The following GPC5 variants were observed in gnomAD, a reference collection of about 807,000 sequenced individuals.
GPC5 encodes the protein glypican-5.
A neutral mutation model predicts 53.9 loss-of-function variants in GPC5; 47 were observed. The observed-to-expected ratio is 0.87, with a 90% CI of 0.69 to 1.11. The LOEUF (loss-of-function observed/expected upper bound fraction) is 1.11, where lower values mean the gene tolerates loss of function less well. GPC5 is among the 50% of genes most tolerant of loss of function. The pLI is 0.00. For missense variants in GPC5, 748 were observed against 713.1 expected (o/e 1.05, Z -0.56); for synonymous variants, 286 against 263.3 (o/e 1.09, Z -0.84).
At chr13:92,600,663 A>AT (rs112159074) in intron 7 of GPC5, among the ~76,000 whole-genome samples, 45,483 of 139,026 alleles carry the variant, frequency 0.33, 8,885 homozygotes, top group African/African-American at 0.54. Flanking sequence ...ACACCCAGCT[A>AT]TTTTTTTTTT....
intron 2 of GPC5, among the ~76,000 whole-genome samples, chr13:91,449,873 A>T (rs1001434169): frequency 6.6e-6 from 1 of 152,192 alleles, no homozygotes; most frequent in Non-Finnish European, 1.5e-5. Flanking sequence ...GCTATTCTGT[A>T]TATGACTAGA....
chr13:92,524,321 G>A (rs529937657), intron 7 of GPC5, among the ~76,000 whole-genome samples: 2 of 151,974 alleles, frequency 1.3e-5, no homozygotes, highest in Non-Finnish European at 2.9e-5. Flanking sequence ...CACTTTCTTT[G>A]TTCATCTCTA....
intron 5 of GPC5, among the ~76,000 whole-genome samples, chr13:91,777,965 A>T (rs9523413): frequency 2.6e-5 from 4 of 151,936 alleles, no homozygotes; most frequent in Non-Finnish European, 5.9e-5. Flanking sequence ...CACCTCAGAA[A>T]GTCAGGTCAT....
At chr13:92,635,037 A>G (rs1885368801) in intron 7 of GPC5, among the ~76,000 whole-genome samples, 1 of 151,848 alleles carries the variant, frequency 6.6e-6, no homozygotes, top group South Asian at 2.1e-4. Flanking sequence ...AAATATTTTG[A>G]CACAGTAAAA....
At chr13:91,926,513 G>T (rs2039769892) in intron 6 of GPC5, among the ~76,000 whole-genome samples, 2 of 152,110 alleles carry the variant, frequency 1.3e-5, no homozygotes, top group Non-Finnish European at 2.9e-5. Context: ...ATCCAGACCT[G>T]TTCCATGTAT....
At chr13:92,289,100 A>T (rs892973532) in intron 7 of GPC5, among the ~76,000 whole-genome samples, 1 of 147,268 alleles carries the variant, frequency 6.8e-6, no homozygotes, top group South Asian at 2.2e-4. Flanking sequence ...AAAAAAAAAA[A>T]GCCCTAATAA....
Position 91,897,431 on chromosome 13 carries a change from C to A in GPC5, c.1281-10506C>A, listed in dbSNP as rs565607509. Among the ~76,000 whole-genome samples the A allele has an allele frequency of 2.0e-5, 3 of 150,024 alleles. No homozygotes were observed. The South Asian group carries it at 6.4e-4, about 32-fold the overall frequency. ...ATTTAGTCCTTATGTTAATAATATG[C>A]CTGGCACTTAAGAATCCTAAGTAAT... is the stretch of plus-strand genomic sequence containing the variant. On this transcript the variant is annotated intron_variant, in intron 5 of 7. Transcript: ENST00000377067.
At chr13:92,336,560 T>A (rs9523632) in intron 7 of GPC5, among the ~76,000 whole-genome samples, 16,406 of 85,190 alleles carry the variant, frequency 0.19, 958 homozygotes, top group Middle Eastern at 0.31. Flanking sequence ...GTTGTCTGAG[T>A]AGAGATGGAA....
At chr13:91,868,275 GAC>G in intron 5 of GPC5, among the ~76,000 whole-genome samples, 1 of 152,288 alleles carries the variant, frequency 6.6e-6, no homozygotes, top group East Asian at 1.9e-4. Flanking sequence ...AAGATTAGAT[GAC>G]AAGTAAGATG....
chr13:92,034,341 C>CA (rs1414090684), intron 6 of GPC5, among the ~76,000 whole-genome samples: 1 of 151,770 alleles, frequency 6.6e-6, no homozygotes, highest in East Asian at 1.9e-4. Context: ...ACTAAAAATA[C>CA]AAAAAAATTA....
At chr13:92,461,784 G>T (rs1398946742) in intron 7 of GPC5, among the ~76,000 whole-genome samples, 4 of 152,170 alleles carry the variant, frequency 2.6e-5, no homozygotes, top group Non-Finnish European at 5.9e-5. Context: ...TGGGTCTGCT[G>T]CCCGGTTGAT....
intron 2 of GPC5, among the ~76,000 whole-genome samples, chr13:91,594,456 T>C (rs1430067944): frequency 6.6e-6 from 1 of 152,224 alleles, no homozygotes; most frequent in Non-Finnish European, 1.5e-5. Context: ...TTAAATAGTA[T>C]GTCTCTCCTT....
intron 7 of GPC5, among the ~76,000 whole-genome samples, chr13:92,771,735 T>TA (rs1339467047): frequency 2.6e-5 from 4 of 152,144 alleles, no homozygotes; most frequent in African/African-American, 9.7e-5. Flanking sequence ...CCTCTCCACC[T>TA]AAATGTATTT....
chr13:91,571,804 CACACACATACGTGTGTGTATATAT>C (rs1566515304), intron 2 of GPC5, among the ~76,000 whole-genome samples: 4 of 103,530 alleles, frequency 3.9e-5, no homozygotes, highest in African/African-American at 9.7e-5. Context: ...TGTATATATA[CACACACATACGTGTGTGTATATAT>C]ACACATATAC....
intron 7 of GPC5, among the ~76,000 whole-genome samples, chr13:92,407,917 A>G (rs1328504334): frequency 6.6e-6 from 1 of 152,228 alleles, no homozygotes; most frequent in African/African-American, 2.4e-5. Flanking sequence ...TACGTGAGTA[A>G]AAGATTGGTC....
At chr13:91,613,431 C>T (rs949795023) in intron 2 of GPC5, among the ~76,000 whole-genome samples, 25 of 152,130 alleles carry the variant, frequency 1.6e-4, no homozygotes, top group Non-Finnish European at 8.8e-5. Context: ...TTATCTCCCA[C>T]CGGGGCTCTC....
chr13:91,410,893 G>A (rs371826422), intron 1 of GPC5, among the ~76,000 whole-genome samples: 1 of 151,992 alleles, frequency 6.6e-6, no homozygotes, highest in Admixed American at 6.5e-5. Flanking sequence ...GGCAGATCAC[G>A]AGGTCAAGAG....
At chr13:92,790,695 G>A (rs779888857) in intron 7 of GPC5, among the ~76,000 whole-genome samples, 3 of 152,020 alleles carry the variant, frequency 2.0e-5, no homozygotes, top group African/African-American at 7.2e-5. Context: ...AAAGACAGAG[G>A]AAGGATGAAT....
intron 4 of GPC5, among the ~76,000 whole-genome samples, chr13:91,736,466 T>G (rs2036817253): frequency 6.6e-6 from 1 of 151,362 alleles, no homozygotes. Context: ...ATGCTGAATG[T>G]AGATCTTTTT....
Sources: gnomAD v4.1 joint callset for allele counts (sites outside exome capture counted in the v4.1 genomes callset) on GRCh38, gnomAD v4.1.1 for gene constraint, MANE v1.5 for transcripts, NCBI Gene and HGNC (gene_info 2026-07-23, HGNC 2026-07-21) for gene names.